Variants in ADK observed in about 807,000 individuals in gnomAD.
ADK encodes N6,N6-dimethyladenosine kinase.
ADK carries 24 observed loss-of-function variants against 44.7 expected under a neutral mutation model. That is an observed-to-expected ratio of 0.54 (90% CI 0.39 to 0.76). The LOEUF (loss-of-function observed/expected upper bound fraction) is 0.76, where lower values mean the gene tolerates loss of function less well. Ranked by LOEUF, ADK falls within the 30% of genes least tolerant of loss-of-function variation. The pLI, the probability that ADK is intolerant of heterozygous loss-of-function variation, is 0.00. For missense variants in ADK, 321 were observed against 425.1 expected, an observed-to-expected ratio of 0.76 and a Z score of 2.15; for synonymous variants, 128 against 142.6, an observed-to-expected ratio of 0.90 and a Z score of 0.73.
intron 6 of ADK, among the ~76,000 whole-genome samples, chr10:74,491,404 G>A (rs1301249191): frequency 4.6e-5 from 7 of 152,040 alleles, no homozygotes; most frequent in African/African-American, 1.7e-4. Context: ...CACTATGTTC[G>A]GCTTTAATTT....
intron 6 of ADK, among the ~76,000 whole-genome samples, chr10:74,518,258 G>A (rs990960633): frequency 6.6e-6 from 1 of 152,336 alleles, no homozygotes; most frequent in South Asian, 2.1e-4. Context: ...TACATCTTGA[G>A]ACACAAGCAT....
chr10:74,579,942 CAAAAG>C (rs1851320332), intron 7 of ADK, among the ~76,000 whole-genome samples: 1 of 152,040 alleles, frequency 6.6e-6, no homozygotes, highest in Non-Finnish European at 1.5e-5. Context: ...TTTTAGTACT[CAAAAG>C]AATATTACAT....
chr10:74,653,662 G>T (rs910603252), intron 9 of ADK, among the ~76,000 whole-genome samples: 1 of 152,196 alleles, frequency 6.6e-6, no homozygotes, highest in African/African-American at 2.4e-5. Context: ...TTAAGTGCAA[G>T]AGAGATTGGC....
chr10:74,511,350 T>C (rs930090857), intron 6 of ADK, among the ~76,000 whole-genome samples: 1 of 152,234 alleles, frequency 6.6e-6, no homozygotes, highest in African/African-American at 2.4e-5. Flanking sequence ...TTCAGGGTTT[T>C]CTATGTTTCC....
chr10:74,286,576 C>A (rs1487922036), intron 3 of ADK, among the ~76,000 whole-genome samples: 12 of 152,154 alleles, frequency 7.9e-5, no homozygotes, highest in Non-Finnish European at 1.3e-4. Flanking sequence ...TCTGAACTTC[C>A]AGTTTTCACG....
At chr10:74,401,243 A>G (rs1843697929) in intron 6 of ADK, among the ~76,000 whole-genome samples, 1 of 152,180 alleles carries the variant, frequency 6.6e-6, no homozygotes, top group African/African-American at 2.4e-5. Context: ...CTCACTTAAG[A>G]AATAATATTT....
chr10:74,659,974 A>G (rs879534546), intron 9 of ADK, among the ~76,000 whole-genome samples: 2 of 152,212 alleles, frequency 1.3e-5, no homozygotes, highest in Non-Finnish European at 2.9e-5. Context: ...AGTATTAACC[A>G]TCACAAGTTT....
intron 3 of ADK, among the ~76,000 whole-genome samples, chr10:74,229,867 G>A (rs1290862627): frequency 6.6e-6 from 1 of 151,760 alleles, no homozygotes; most frequent in Non-Finnish European, 1.5e-5. Flanking sequence ...TGAGACTCTT[G>A]TCTCTACAAA....
intron 9 of ADK, chr10:74,655,703 C>A: frequency 2.1e-6 from 1 of 480,266 alleles, no homozygotes; most frequent in Admixed American, 2.5e-5. Context: ...CAGAGCTGCC[C>A]AGGGAGCTGA....
At chr10:74,345,099 G>C (rs1841717607) in intron 4 of ADK, among the ~76,000 whole-genome samples, 2 of 152,118 alleles carry the variant, frequency 1.3e-5, no homozygotes, top group Admixed American at 1.3e-4. Flanking sequence ...TTTCTTTGTG[G>C]GTAGTTTCTT....
At chr10:74,657,209 G>A (rs1053556773) in intron 9 of ADK, among the ~76,000 whole-genome samples, 3 of 152,104 alleles carry the variant, frequency 2.0e-5, no homozygotes, top group African/African-American at 7.2e-5. Context: ...TCTTTAAACA[G>A]GATCTGAATC....
At chr10:74,422,647 A>C (rs1458767395) in intron 6 of ADK, among the ~76,000 whole-genome samples, 5 of 152,188 alleles carry the variant, frequency 3.3e-5, no homozygotes, top group African/African-American at 1.2e-4. Context: ...AATTTATTTG[A>C]GGTTGATCAA....
chr10:74,650,825 A>G (rs1170373390), intron 9 of ADK, among the ~76,000 whole-genome samples: 3 of 152,238 alleles, frequency 2.0e-5, no homozygotes, highest in African/African-American at 7.2e-5. Flanking sequence ...CAAGTCTAGC[A>G]GGTGCCATTT....
At chr10:74,638,766 T>C (rs1853716242) in intron 9 of ADK, among the ~76,000 whole-genome samples, 1 of 152,202 alleles carries the variant, frequency 6.6e-6, no homozygotes, top group Non-Finnish European at 1.5e-5. Flanking sequence ...TGGTTGTGGT[T>C]GAGACTAATA....
intron 7 of ADK, among the ~76,000 whole-genome samples, chr10:74,554,424 A>T (rs1564789281): frequency 1.3e-5 from 2 of 152,126 alleles, no homozygotes; most frequent in Non-Finnish European, 2.9e-5. Flanking sequence ...GAATAGTTAT[A>T]TATATAATAA....
intron 6 of ADK, among the ~76,000 whole-genome samples, chr10:74,493,229 G>A (rs1362882485): frequency 6.6e-6 from 1 of 151,870 alleles, no homozygotes; most frequent in East Asian, 1.9e-4. Flanking sequence ...CCAGGCTGGA[G>A]TGCAGTGAGT....
chr10:74,390,458 A>T (rs865920464), intron 4 of ADK, among the ~76,000 whole-genome samples: 1 of 152,126 alleles, frequency 6.6e-6, no homozygotes, highest in Non-Finnish European at 1.5e-5. Flanking sequence ...GAACTTTTCT[A>T]TACCTTTCAC....
rs111757638 is a variant in ADK at position 74,287,006 on chromosome 10, T to A, written c.195-27661T>A. ...GTGGTCTTTATCATTATTATCGCTG[T>A]TTTACAGATGAGAAAACTGAGGCAC... is the stretch of plus-strand genomic sequence containing the variant. On this transcript the variant is annotated intron_variant, in intron 3 of 10. Transcript: ENST00000539909. Among the ~76,000 whole-genome samples the A allele has an allele frequency of 5.2e-3, 797 of 152,198 alleles. 12 individuals carry two copies. Among genetic ancestry groups the A allele is most frequent in the African/African-American group, 0.017 (723 of 41,528 alleles).
intron 7 of ADK, among the ~76,000 whole-genome samples, chr10:74,565,621 G>A (rs1380105721): frequency 1.3e-5 from 2 of 151,770 alleles, no homozygotes; most frequent in African/African-American, 4.8e-5. Flanking sequence ...CAGCTACTGG[G>A]GAGGCTGAGG....
Sources: allele counts gnomAD v4.1 joint callset (sites outside exome capture counted in the v4.1 genomes callset), GRCh38; gene constraint gnomAD v4.1.1; transcripts MANE v1.5; gene names NCBI Gene and HGNC (gene_info 2026-07-23, HGNC 2026-07-21).